Variants in AKAP6 observed in about 807,000 individuals in gnomAD.
AKAP6 encodes the protein A-kinase anchor protein 6.
In AKAP6, 58 loss-of-function variants were observed where a neutral mutation model predicts 188.5. That is an observed-to-expected ratio of 0.31 (90% CI 0.25 to 0.38). The LOEUF (loss-of-function observed/expected upper bound fraction) is 0.38. Ranked by LOEUF, AKAP6 falls within the 10% of genes least tolerant of loss-of-function variation. The probability of loss-of-function intolerance (pLI) is 1.00; values close to 1 mark genes in which losing one functional copy is unlikely to be tolerated. For synonymous variants in AKAP6, 989 were observed against 998.6 expected (o/e 0.99, Z 0.18); for missense variants, 2,710 against 2,740.0 (o/e 0.99, Z 0.24).
At chr14:32,368,170 C>T (rs909336703) in intron 1 of AKAP6, among the ~76,000 whole-genome samples, 1 of 152,108 alleles carries the variant, frequency 6.6e-6, no homozygotes, top group African/African-American at 2.4e-5. Flanking sequence ...TTGCTTTTCT[C>T]TGAGGAGGCA....
chr14:32,456,371 A>AT lies in AKAP6; in HGVS notation c.324+22558dup, dbSNP rs142915946. 6.0e-3 allele frequency among the ~76,000 whole-genome samples: 907 copies of AT among 152,316 alleles called. 6 individuals carry two copies. The highest frequency in any genetic ancestry group is 0.021 in the African/African-American group (869 of 41,566). ...CTTTAGGCCACAGAAATATAGTTTA[A>AT]TTTTGACTTCAAAAAAACCAAAGAG... On this transcript the variant is annotated intron_variant, in intron 2 of 13. Transcript: ENST00000280979.
chr14:32,640,465 C>A (rs1327360202), intron 7 of AKAP6, among the ~76,000 whole-genome samples: 2 of 152,134 alleles, frequency 1.3e-5, no homozygotes, highest in East Asian at 3.8e-4. Context: ...ATTTTCTTCT[C>A]AACGTGTCTT....
chr14:32,680,330 G>A (rs1889623759), intron 8 of AKAP6, among the ~76,000 whole-genome samples: 1 of 152,190 alleles, frequency 6.6e-6, no homozygotes, highest in African/African-American at 2.4e-5. Flanking sequence ...TTTGAGAAAT[G>A]CATGTGAGTG....
At chr14:32,340,575 G>T (rs1886858017) in intron 1 of AKAP6, among the ~76,000 whole-genome samples, 1 of 152,070 alleles carries the variant, frequency 6.6e-6, no homozygotes, top group Admixed American at 6.5e-5. Context: ...TTAGTCTTAG[G>T]ATTTTCCAAA....
Position 32,833,938 on chromosome 14 carries a change from T to C in AKAP6, c.*4133T>C, listed in dbSNP as rs898515119. ...TTCATTTATTGTTAATATTTCACCA[T>C]ATTTACTTCATCTCTGTATACACAC... On this transcript the variant is annotated 3_prime_UTR_variant, in exon 14 of 14. Transcript: ENST00000280979. 1.3e-5 allele frequency: 2 copies of C among 152,240 alleles called. No individual in the cohort carries two copies. Among genetic ancestry groups the C allele is most frequent in the Non-Finnish European group, 2.9e-5 (2 of 68,048 alleles). The allele number at this position is 152,240 out of a possible 1,614,324, so 9.4% of individuals were successfully genotyped here. A position where few individuals can be genotyped will look rare whatever the true frequency, so the allele number is the denominator to read the frequency against.
intron 2 of AKAP6, chr14:32,438,943 G>C (rs1048482302): frequency 2.6e-5 from 4 of 152,194 alleles, no homozygotes; most frequent in African/African-American, 9.7e-5. Context: ...AAGAGGCAAG[G>C]TGTAGGCTAG....
intron 11 of AKAP6, among the ~76,000 whole-genome samples, chr14:32,749,470 C>T (rs1181528919): frequency 2.0e-5 from 3 of 152,132 alleles, no homozygotes; most frequent in Non-Finnish European, 4.4e-5. Flanking sequence ...TTGCCTTTAG[C>T]ACACGGTAGC....
At chr14:32,758,821 C>T (rs562380834) in intron 11 of AKAP6, among the ~76,000 whole-genome samples, 1 of 152,274 alleles carries the variant, frequency 6.6e-6, no homozygotes, top group African/African-American at 2.4e-5. Flanking sequence ...CTACTAAGTA[C>T]TATTTTAAAC....
At chr14:32,434,925 C>T (rs748835641) in intron 2 of AKAP6, among the ~76,000 whole-genome samples, 2 of 152,128 alleles carry the variant, frequency 1.3e-5, no homozygotes, top group Non-Finnish European at 2.9e-5. Flanking sequence ...TGGGCTTCTC[C>T]CAGGTTGAGC....
intron 12 of AKAP6, among the ~76,000 whole-genome samples, chr14:32,819,266 CT>C (rs1566733478): frequency 6.6e-6 from 1 of 152,140 alleles, no homozygotes; most frequent in African/African-American, 2.4e-5. Context: ...CAGATAATCT[CT>C]TACATACCCA....
chr14:32,657,528 T>G (rs941946969), intron 7 of AKAP6, among the ~76,000 whole-genome samples: 4 of 152,174 alleles, frequency 2.6e-5, no homozygotes, highest in Non-Finnish European at 5.9e-5. Flanking sequence ...TCCAGGACAC[T>G]TTTTGTCATG....
chr14:32,700,215 T>A (rs1594860608), intron 9 of AKAP6, among the ~76,000 whole-genome samples: 2 of 152,274 alleles, frequency 1.3e-5, no homozygotes, highest in Admixed American at 1.3e-4. Flanking sequence ...ATGGTGAGGG[T>A]GTGCCCTATC....
At chr14:32,590,023 A>G (rs1885422082) in intron 5 of AKAP6, among the ~76,000 whole-genome samples, 1 of 152,204 alleles carries the variant, frequency 6.6e-6, no homozygotes, top group South Asian at 2.1e-4. Context: ...ACCTGATATA[A>G]ATAATATTAA....
At chr14:32,588,694 TG>T (rs1444746027) in intron 5 of AKAP6, among the ~76,000 whole-genome samples, 1 of 151,256 alleles carries the variant, frequency 6.6e-6, no homozygotes, top group East Asian at 1.9e-4. Flanking sequence ...CTTACAGTCT[TG>T]GTATCCGTGA....
At chr14:32,340,814 A>G (rs572452603) in intron 1 of AKAP6, among the ~76,000 whole-genome samples, 6 of 152,316 alleles carry the variant, frequency 3.9e-5, no homozygotes, top group East Asian at 1.9e-4. Flanking sequence ...CACAGCTGGT[A>G]CCTTCTAGCT....
At chr14:32,817,468 TGTGTG>T (rs1301245323) in intron 12 of AKAP6, among the ~76,000 whole-genome samples, 1 of 129,570 alleles carries the variant, frequency 7.7e-6, no homozygotes, top group East Asian at 2.3e-4. Flanking sequence ...TGTGTGTGTG[TGTGTG>T]TGTGTGTGTG....
At chr14:32,356,047 G>A (rs1887473481) in intron 1 of AKAP6, among the ~76,000 whole-genome samples, 1 of 152,154 alleles carries the variant, frequency 6.6e-6, no homozygotes, top group Admixed American at 6.5e-5. Flanking sequence ...AAAGTGCTGG[G>A]ATTACAGGTG....
chr14:32,453,508 A>C (rs1055132618), intron 2 of AKAP6, among the ~76,000 whole-genome samples: 9 of 151,554 alleles, frequency 5.9e-5, no homozygotes, highest in African/African-American at 1.2e-4. Context: ...GGGCTATTTG[A>C]AAGTCAGGCT....
chr14:32,343,745 T>TAAA (rs1886969612), intron 1 of AKAP6, among the ~76,000 whole-genome samples: 1 of 25,268 alleles, frequency 4.0e-5, no homozygotes, highest in Non-Finnish European at 6.0e-5. Context: ...AGATTCCGTC[T>TAAA]CAAAAAAAAA....
Sources: gnomAD v4.1 joint callset for allele counts (sites outside exome capture counted in the v4.1 genomes callset) on GRCh38, gnomAD v4.1.1 for gene constraint, MANE v1.5 for transcripts, NCBI Gene and HGNC (gene_info 2026-07-23, HGNC 2026-07-21) for gene names.